The following KIF2A variants were observed in gnomAD, a reference collection of about 807,000 sequenced individuals.
KIF2A encodes the protein kinesin-like protein KIF2A.
Under a neutral mutation model 100.2 loss-of-function variants are expected in KIF2A, and 22 were observed. The observed-to-expected ratio is 0.22, with a 90% CI of 0.16 to 0.31. KIF2A has a LOEUF of 0.31. KIF2A is among the 10% of genes least tolerant of loss of function. The pLI, the probability that KIF2A is intolerant of heterozygous loss-of-function variation, is 1.00. For synonymous variants in KIF2A, 268 were observed against 285.9 expected, an observed-to-expected ratio of 0.94 and a Z score of 0.63; for missense variants, 495 against 898.7, an observed-to-expected ratio of 0.55 and a Z score of 5.74.
intron 2 of KIF2A, among the ~76,000 whole-genome samples, chr5:62,347,496 T>C (rs1210024661): frequency 6.6e-6 from 1 of 152,244 alleles, no homozygotes; most frequent in Non-Finnish European, 1.5e-5. Flanking sequence ...TATTTAATTA[T>C]GTGGTTCTAT....
intron 1 of KIF2A, among the ~76,000 whole-genome samples, chr5:62,334,703 C>T (rs1437953540): frequency 6.6e-6 from 1 of 152,140 alleles, no homozygotes; most frequent in East Asian, 1.9e-4. Flanking sequence ...ACAGCAGCTA[C>T]CCAAACAGTT....
intron 8 of KIF2A, 111 bp from the exon 9 acceptor site, chr5:62,358,010 GGGATATTATCTTTATA>G (rs1330414304): frequency 1.4e-6 from 1 of 734,334 alleles, no homozygotes; most frequent in Non-Finnish European, 2.2e-6. Context: ...GCATTTTTAT[GGGATATTATCTTTATA>G]TGTACAGAAC....
chr5:62,341,278 A>G (rs1028637045), intron 1 of KIF2A, among the ~76,000 whole-genome samples: 6 of 151,060 alleles, frequency 4.0e-5, no homozygotes, highest in African/African-American at 1.5e-4. Flanking sequence ...TATTGAGGAG[A>G]CTGCTGATAC....
At chr5:62,309,058 C>A (rs1745443120) in intron 1 of KIF2A, among the ~76,000 whole-genome samples, 1 of 152,130 alleles carries the variant, frequency 6.6e-6, no homozygotes, top group African/African-American at 2.4e-5. Context: ...AAATTCTTTA[C>A]ACTCATAAGT....
intron 1 of KIF2A, among the ~76,000 whole-genome samples, chr5:62,345,661 GT>G (rs1431552589): frequency 6.6e-6 from 1 of 152,004 alleles, no homozygotes; most frequent in African/African-American, 2.4e-5. Context: ...GGCAGTGATA[GT>G]AATTTCATAA....
At chr5:62,377,554 A>C (rs1270953650) in intron 18 of KIF2A, 107 bp from the exon 19 acceptor site, 1 of 560,202 alleles carries the variant, frequency 1.8e-6, no homozygotes, top group African/African-American at 1.9e-5. Context: ...TTTACCATTC[A>C]AGCCTCTTCA....
At chr5:62,338,072 C>G (rs1747069460) in intron 1 of KIF2A, among the ~76,000 whole-genome samples, 1 of 152,034 alleles carries the variant, frequency 6.6e-6, no homozygotes, top group East Asian at 1.9e-4. Context: ...TTCTATATGG[C>G]AAGACTTAAT....
At chr5:62,316,806 G>T (rs945968867) in intron 1 of KIF2A, among the ~76,000 whole-genome samples, 2 of 152,082 alleles carry the variant, frequency 1.3e-5, no homozygotes, top group Admixed American at 6.5e-5. Context: ...ACCTAAAAAA[G>T]GTTGGGGAGG....
At position 62,385,855 on chromosome 5, in the gene KIF2A, A is replaced by G; in HGVS notation, c.*286A>G. ...GTCAGTTTTATTTTCTATTTGATGA[A>G]GTAAGACTGTGGACTCAATCCAGAG... On this transcript the variant is annotated 3_prime_UTR_variant, in exon 21 of 21. Transcript: ENST00000407818. 1 of 386,226 alleles carries G rather than the reference A, an allele frequency of 2.6e-6. No individual in the cohort carries two copies. The highest frequency in any genetic ancestry group is 4.8e-6 in the Non-Finnish European group (1 of 207,494). The allele number at this position is 386,226 out of a possible 1,614,324, so 23.9% of individuals were successfully genotyped here. A position where few individuals can be genotyped will look rare whatever the true frequency, so the allele number is the denominator to read the frequency against.
At chr5:62,379,258 T>A (rs1248101829) in intron 19 of KIF2A, among the ~76,000 whole-genome samples, 4 of 152,222 alleles carry the variant, frequency 2.6e-5, no homozygotes, top group Admixed American at 2.0e-4. Context: ...CAACCCAGTA[T>A]TCTTTTTACA....
At chr5:62,371,150 C>T (rs1395173685) in intron 16 of KIF2A, among the ~76,000 whole-genome samples, 1 of 151,990 alleles carries the variant, frequency 6.6e-6, no homozygotes, top group Admixed American at 6.6e-5. Flanking sequence ...CAGTGATAGT[C>T]CCAGCTGAGG....
At chr5:62,348,600 TC>T (rs1477802725) in intron 3 of KIF2A, among the ~76,000 whole-genome samples, 1 of 152,224 alleles carries the variant, frequency 6.6e-6, no homozygotes, top group Non-Finnish European at 1.5e-5. Flanking sequence ...GTAGTTCACT[TC>T]TATATTGACT....
chr5:62,350,885 C>T (rs1334982113), intron 4 of KIF2A, among the ~76,000 whole-genome samples: 1 of 149,266 alleles, frequency 6.7e-6, no homozygotes, highest in Admixed American at 6.8e-5. Flanking sequence ...GCACTCCAGT[C>T]TGGGCGACAG....
intron 1 of KIF2A, among the ~76,000 whole-genome samples, chr5:62,336,899 C>T (rs934585856): frequency 6.6e-6 from 1 of 152,018 alleles, no homozygotes; most frequent in Non-Finnish European, 1.5e-5. Context: ...AAAAAGTTTA[C>T]CAAAATACTA....
Position 62,352,614 on chromosome 5 carries a change from A to C in KIF2A, c.361A>C (p.Ser121Arg), listed in dbSNP as rs1247503072. 6.3e-7 allele frequency: 1 copy of C among 1,594,648 alleles called. No homozygotes were observed. Among genetic ancestry groups the C allele is most frequent in the Non-Finnish European group, 8.6e-7 (1 of 1,169,508 alleles). The change falls in exon 5 of 21, where the codon AGT becomes CGT. Residue 121 changes from serine to arginine, a missense_variant. This residue lies in a region of KIF2A where 115 missense variants were observed against 143.6 expected (regional missense o/e 0.80). Coordinates refer to ENST00000407818, the MANE Select transcript of KIF2A (RefSeq NM_001098511.3). ...RVVGSARARPSQFPEQSSSAQ... is the reference protein window; with the variant it reads ...RVVGSARARPRQFPEQSSSAQ... ...GGTTGGTTCAGCACGTGCACGGCCC[A>C]GTCAATTTCCTGAACAGTCTTCCTC...
In KIF2A at chr5:62,373,840, G is replaced by A; in HGVS notation, c.1911+3G>A. On this transcript the variant is annotated splice_donor_region_variant and intron_variant, in intron 18 of 20. Coordinates refer to ENST00000407818, the MANE Select transcript of KIF2A (RefSeq NM_001098511.3). ...TAAAACTTCTTTGTGAACAAAATGT[G>A]AGTGTACTATGGTTGTAAATGTTAT... The A allele has an allele frequency of 1.2e-6, 2 of 1,601,536 alleles. No individual in the cohort carries two copies. Among genetic ancestry groups the A allele is most frequent in the Non-Finnish European group, 1.7e-6 (2 of 1,168,960 alleles).
intron 8 of KIF2A, 110 bp downstream of exon 8, chr5:62,357,855 A>G (rs1748193147): frequency 1.3e-6 from 1 of 744,490 alleles, no homozygotes; most frequent in Non-Finnish European, 2.3e-6. Flanking sequence ...ATTTCCTTTG[A>G]TTTGTATGTA....
intron 1 of KIF2A, among the ~76,000 whole-genome samples, chr5:62,321,312 T>C (rs1339410306): frequency 6.6e-6 from 1 of 152,228 alleles, no homozygotes; most frequent in East Asian, 1.9e-4. Flanking sequence ...ATATGGTAAC[T>C]ATACTTACTT....
chr5:62,318,472 G>C (rs1381830612), intron 1 of KIF2A, among the ~76,000 whole-genome samples: 1 of 152,190 alleles, frequency 6.6e-6, no homozygotes, highest in Non-Finnish European at 1.5e-5. Flanking sequence ...CTGATACTGA[G>C]AGTTGCCTAT....
Sources: allele counts gnomAD v4.1 joint callset (sites outside exome capture counted in the v4.1 genomes callset), GRCh38; gene constraint gnomAD v4.1.1; regional missense constraint gnomAD v4.1.1; transcripts MANE v1.5; gene names NCBI Gene and HGNC (gene_info 2026-07-23, HGNC 2026-07-21).